RYR2: variants seen among roughly 807,000 people sequenced by gnomAD.
RYR2 encodes the protein ryanodine receptor 2, also known as cardiac muscle ryanodine receptor-calcium release channel.
RYR2 carries 227 observed loss-of-function variants against 601.1 expected under a neutral mutation model. The observed-to-expected ratio is 0.38, with a 90% CI of 0.34 to 0.42. The LOEUF (loss-of-function observed/expected upper bound fraction) is 0.42, where lower values mean the gene tolerates loss of function less well. RYR2 is among the 10% of genes least tolerant of loss of function. RYR2 has a pLI of 1.00. For synonymous variants in RYR2, 2,223 were observed against 2,175.1 expected (o/e 1.02, Z -0.61); for missense variants, 4,646 against 6,156.5 (o/e 0.75, Z 8.21).
At chr1:237,523,807 A>G (rs1262186031) in intron 24 of RYR2, among the ~76,000 whole-genome samples, 2 of 152,188 alleles carry the variant, frequency 1.3e-5, no homozygotes, top group African/African-American at 4.8e-5. Flanking sequence ...ATAAAGTGCA[A>G]TCAAGGATGT....
intron 1 of RYR2, among the ~76,000 whole-genome samples, chr1:237,128,146 G>T (rs1188473199): frequency 6.6e-6 from 1 of 152,196 alleles, no homozygotes; most frequent in East Asian, 1.9e-4. Context: ...ACCTCGGGAG[G>T]CCGAGGCTGG....
rs574893175 is a variant in RYR2, at chr1:237,267,531, AAAGAG to A, written c.49-2951_49-2947del. ...TGAGACTCTGCCTCAAGAAAAGAAA[AAAGAG>A]AAGAGAAGAGAAGAAAAGAAACTCG... On this transcript the variant is annotated intron_variant, in intron 1 of 104. Coordinates refer to ENST00000366574, the MANE Select transcript of RYR2 (RefSeq NM_001035.3). 9.1e-5 allele frequency: 20 copies of A among 218,992 alleles called. 1 individual carries two copies. The highest frequency in any genetic ancestry group is 7.7e-4 in the Middle Eastern group (1 of 1,304). The allele number at this position is 218,992 out of a possible 1,614,324, so 13.6% of individuals were successfully genotyped here. A position where few individuals can be genotyped will look rare whatever the true frequency, so the allele number is the denominator to read the frequency against.
At chr1:237,269,037 A>G (rs1689401621) in intron 1 of RYR2, among the ~76,000 whole-genome samples, 1 of 109,890 alleles carries the variant, frequency 9.1e-6, no homozygotes, top group Admixed American at 1.1e-4. Context: ...TTTATATAGC[A>G]TATTCTTTTT....
At chr1:237,710,825 C>G (rs905402962) in intron 70 of RYR2, among the ~76,000 whole-genome samples, 1 of 152,010 alleles carries the variant, frequency 6.6e-6, no homozygotes. Flanking sequence ...GAGCCAGACC[C>G]TGTCCCTAAA....
At chr1:237,626,257 G>A (rs1679632979) in intron 40 of RYR2, among the ~76,000 whole-genome samples, 1 of 151,988 alleles carries the variant, frequency 6.6e-6, no homozygotes, top group African/African-American at 2.4e-5. Flanking sequence ...TCCTATTTCA[G>A]AATAATAAGC....
At chr1:237,333,881 C>A (rs1038034389) in intron 3 of RYR2, among the ~76,000 whole-genome samples, 7 of 152,162 alleles carry the variant, frequency 4.6e-5, no homozygotes, top group Non-Finnish European at 7.4e-5. Context: ...GAAATCATTT[C>A]TTTCCTTTCA....
intron 1 of RYR2, among the ~76,000 whole-genome samples, chr1:237,210,896 C>T (rs1162907016): frequency 6.6e-6 from 1 of 152,130 alleles, no homozygotes; most frequent in African/African-American, 2.4e-5. Flanking sequence ...AGCTGGTTTA[C>T]CTTTGAAGCT....
intron 43 of RYR2, among the ~76,000 whole-genome samples, chr1:237,634,370 A>G (rs940013198): frequency 1.3e-5 from 2 of 152,234 alleles, no homozygotes; most frequent in Non-Finnish European, 2.9e-5. Context: ...GTAGAAAGAC[A>G]AAAACCACAT....
At chr1:237,641,053 A>G in intron 47 of RYR2, 51 bp downstream of exon 47, 1 of 1,362,308 alleles carries the variant, frequency 7.3e-7, no homozygotes, top group South Asian at 1.3e-5. Flanking sequence ...CTGTGTTAAG[A>G]CATCTATAGC....
intron 1 of RYR2, among the ~76,000 whole-genome samples, chr1:237,225,645 A>G (rs1427399502): frequency 6.6e-6 from 1 of 152,214 alleles, no homozygotes; most frequent in Admixed American, 6.5e-5. Flanking sequence ...TAGGTTTACC[A>G]ATCAGCTAAG....
intron 14 of RYR2, among the ~76,000 whole-genome samples, chr1:237,449,123 T>C (rs1410904521): frequency 1.3e-5 from 2 of 152,168 alleles, no homozygotes; most frequent in Non-Finnish European, 1.5e-5. Context: ...TTACAAAAAA[T>C]AAACCACCTA....
intron 19 of RYR2, among the ~76,000 whole-genome samples, chr1:237,495,789 A>C (rs919858807): frequency 2.6e-5 from 4 of 152,336 alleles, no homozygotes; most frequent in Middle Eastern, 3.4e-3. Flanking sequence ...TGTGACACAA[A>C]GCTTAGCTTA....
intron 86 of RYR2, among the ~76,000 whole-genome samples, chr1:237,772,475 A>G (rs1300450089): frequency 6.6e-6 from 1 of 152,232 alleles, no homozygotes; most frequent in African/African-American, 2.4e-5. Context: ...AGGCTTTGCA[A>G]CTACTACCAT....
At chr1:237,674,011 T>A in intron 58 of RYR2, 85 bp from the exon 59 acceptor site, 1 of 1,056,320 alleles carries the variant, frequency 9.5e-7, no homozygotes, top group South Asian at 1.5e-5. Flanking sequence ...GAAAGTTTTA[T>A]AGTGTGGTCC....
At chr1:237,745,596 T>G (rs749918442) in intron 80 of RYR2, among the ~76,000 whole-genome samples, 56 of 152,178 alleles carry the variant, frequency 3.7e-4, no homozygotes, top group Non-Finnish European at 3.5e-4. Flanking sequence ...GAAAGGCTCC[T>G]CATTCAGAAA....
intron 27 of RYR2, among the ~76,000 whole-genome samples, chr1:237,557,532 A>G (rs2805467): frequency 0.62 from 94,363 of 151,634 alleles, 30,417 homozygotes; most frequent in Non-Finnish European, 0.71. Flanking sequence ...GTGGCAGTAG[A>G]TCAAATAGAG....
intron 1 of RYR2, among the ~76,000 whole-genome samples, chr1:237,058,796 G>A (rs1662486530): frequency 6.6e-6 from 1 of 151,618 alleles, no homozygotes; most frequent in Non-Finnish European, 1.5e-5. Context: ...TCTGGAGAAG[G>A]GGCGGGGGGC....
At chr1:237,537,470 C>T (rs1480293641) in intron 25 of RYR2, among the ~76,000 whole-genome samples, 1 of 152,122 alleles carries the variant, frequency 6.6e-6, no homozygotes, top group African/African-American at 2.4e-5. Flanking sequence ...CCCGCCACCA[C>T]GCCCAGCTAA....
intron 3 of RYR2, among the ~76,000 whole-genome samples, chr1:237,333,953 C>T (rs1403979824): frequency 6.6e-6 from 1 of 152,158 alleles, no homozygotes; most frequent in African/African-American, 2.4e-5. Flanking sequence ...TCATAATCAA[C>T]TTTCTTTACG....
Sources: gnomAD v4.1 joint callset for allele counts (sites outside exome capture counted in the v4.1 genomes callset) on GRCh38, gnomAD v4.1.1 for gene constraint, MANE v1.5 for transcripts, NCBI Gene and HGNC (gene_info 2026-07-23, HGNC 2026-07-21) for gene names.